The following DYNC1LI2 variants were observed in gnomAD, a reference collection of about 807,000 sequenced individuals.
DYNC1LI2 encodes dynein cytoplasmic 1 light intermediate chain 2.
DYNC1LI2 carries 19 observed loss-of-function variants against 57.8 expected under a neutral mutation model. The observed-to-expected ratio is 0.33, with a 90% confidence interval of 0.23 to 0.48. DYNC1LI2 has a LOEUF of 0.48. DYNC1LI2 is among the 20% of genes least tolerant of loss of function. DYNC1LI2 has a pLI of 0.99. For missense variants in DYNC1LI2, 470 were observed against 604.2 expected (o/e 0.78, Z 2.33); for synonymous variants, 256 against 233.4 (o/e 1.10, Z -0.88).
At chr16:66,747,850 C>T (rs1311281237) in intron 3 of DYNC1LI2, among the ~76,000 whole-genome samples, 1 of 152,094 alleles carries the variant, frequency 6.6e-6, no homozygotes, top group Non-Finnish European at 1.5e-5. Context: ...GAATTACAGA[C>T]GTCAGCCACC....
chr16:66,749,368 G>A (rs1395896774), intron 2 of DYNC1LI2, 55 bp from the exon 3 acceptor site: 7 of 1,538,330 alleles, frequency 4.6e-6, no homozygotes, highest in Non-Finnish European at 6.3e-6. Context: ...GCAAGGATGG[G>A]GAGGCATGAC....
chr16:66,737,727 A>C (rs1483129561), intron 4 of DYNC1LI2, among the ~76,000 whole-genome samples: 1 of 152,206 alleles, frequency 6.6e-6, no homozygotes, highest in Non-Finnish European at 1.5e-5. Context: ...TCAGTGGTAC[A>C]ACATCCACTT....
chr16:66,729,969 T>C (rs2017606317), intron 8 of DYNC1LI2, 143 bp downstream of exon 8: 1 of 566,352 alleles, frequency 1.8e-6, no homozygotes, highest in South Asian at 2.4e-5. Flanking sequence ...TTAGTGGAGA[T>C]GGGGTTTTGC....
At chr16:66,731,129 A>C (rs1204952061) in intron 7 of DYNC1LI2, 1 of 152,238 alleles carries the variant, frequency 6.6e-6, no homozygotes, top group Non-Finnish European at 1.5e-5. Flanking sequence ...CGGGCAGGGC[A>C]TGATTGAGAT....
Position 66,751,212 on chromosome 16 carries a change from G to C in DYNC1LI2, c.181+61C>G. 16 of 1,561,488 alleles carry C rather than the reference G, an allele frequency of 1.0e-5. No homozygotes were observed. Among genetic ancestry groups the C allele is most frequent in the Non-Finnish European group, 1.3e-5 (15 of 1,147,980 alleles). The stretch of plus-strand genomic sequence containing the variant: ...GAACGGGGAAGGCGGGGACCTGAGG[G>C]AGGGGCGCCCGCCTCGCCCACCCCA... On this transcript the variant is annotated intron_variant, in intron 2 of 12. Transcript: ENST00000258198. This position sits in a 1 kb window ranked among gnomAD's most constrained non-coding sequence, Gnocchi z 5.2.
chr16:66,723,994 CA>C (rs1228311714), intron 12 of DYNC1LI2, among the ~76,000 whole-genome samples, 172 bp from the exon 13 acceptor site: 2 of 152,102 alleles, frequency 1.3e-5, no homozygotes, highest in Non-Finnish European at 2.9e-5. Flanking sequence ...CCCAACTCGG[CA>C]CATCCTAATC....
rs937337368 is a variant in DYNC1LI2, at chr16:66,732,604, T to C, written c.794-130A>G. ...ATATGAGCAACAGAAAGCATTACAA[T>C]TTTAAAAACTAAAACGCTTATAGTA... is the stretch of plus-strand genomic sequence containing the variant. On this transcript the variant is annotated intron_variant, in intron 6 of 12. Transcript: ENST00000258198. 3.0e-6 allele frequency: 3 copies of C among 1,000,946 alleles called. No individual in the cohort carries two copies. The African/African-American group carries it at 5.0e-5, about 17-fold the overall frequency. The allele number at this position is 1,000,946 out of a possible 1,614,324, so 62.0% of individuals were successfully genotyped here. A position where few individuals can be genotyped will look rare whatever the true frequency, so the allele number is the denominator to read the frequency against.
chr16:66,742,116 GCAGA>G (rs2017850319), intron 4 of DYNC1LI2, among the ~76,000 whole-genome samples: 1 of 152,204 alleles, frequency 6.6e-6, no homozygotes, highest in East Asian at 1.9e-4. Flanking sequence ...TGTTAACTCA[GCAGA>G]CAGAGAGTAA....
chr16:66,747,056 A>G (rs965503090), intron 3 of DYNC1LI2, among the ~76,000 whole-genome samples: 5 of 151,512 alleles, frequency 3.3e-5, no homozygotes, highest in Non-Finnish European at 5.9e-5. Flanking sequence ...CTTCTTACAC[A>G]AGAGACTCTT....
Position 66,734,264 on chromosome 16 carries a change from C to T in DYNC1LI2, c.747G>A (p.Glu249=). 1 of 1,614,166 alleles carries T rather than the reference C, an allele frequency of 6.2e-7. No homozygotes were observed. The highest frequency in any genetic ancestry group is 1.3e-5 in the African/African-American group (1 of 75,052). Residue 249 remains glutamate, a synonymous_variant, in exon 6 of 13, where the codon GAG becomes GAA. Transcript: ENST00000258198. ...GGTGTGACTGGATAAAGTCCAAATG[C>T]TCATCCCTGTAATCGTGCTCCTTCT... ...VLEKEHDYRD[E]HLDFIQSHLR... is the part of the protein sequence containing the mutation.
intron 5 of DYNC1LI2, among the ~76,000 whole-genome samples, chr16:66,735,111 CT>C (rs1451255786): frequency 2.3e-4 from 13 of 56,394 alleles, no homozygotes; most frequent in Non-Finnish European, 3.3e-4. Context: ...TTTTTTTTTT[CT>C]TTTTTTTTTG....
intron 5 of DYNC1LI2, 58 bp from the exon 6 acceptor site, chr16:66,734,369 C>A: frequency 1.3e-6 from 2 of 1,506,780 alleles, no homozygotes; most frequent in South Asian, 2.3e-5. Flanking sequence ...ACGATGGGAA[C>A]ACCTCATTCT....
chr16:66,725,559 G>A (rs2017523648), intron 12 of DYNC1LI2, among the ~76,000 whole-genome samples: 1 of 152,190 alleles, frequency 6.6e-6, no homozygotes, highest in Admixed American at 6.5e-5. Flanking sequence ...GGCCACATAT[G>A]TAATTTAGGC....
chr16:66,726,822 A>G (rs2017544444), intron 11 of DYNC1LI2, among the ~76,000 whole-genome samples: 1 of 151,778 alleles, frequency 6.6e-6, no homozygotes, highest in South Asian at 2.1e-4. Flanking sequence ...TTGTACAGAG[A>G]AGGTTTCACC....
chr16:66,742,076 G>A (rs2017849419), intron 4 of DYNC1LI2, among the ~76,000 whole-genome samples: 1 of 152,174 alleles, frequency 6.6e-6, no homozygotes, highest in Non-Finnish European at 1.5e-5. Context: ...TCAAGCTGCA[G>A]AGACCACAGC....
intron 5 of DYNC1LI2, among the ~76,000 whole-genome samples, chr16:66,735,100 G>GTTTTTTTTTTTTTTTTTTTTTTT (rs71145936): frequency 7.4e-6 from 1 of 134,832 alleles, no homozygotes. Context: ...AACTTTGTTT[G>GTTTTTTTTTTTTTTTTTTTTTTT]TTTTTTTTTT....
intron 3 of DYNC1LI2, among the ~76,000 whole-genome samples, chr16:66,748,092 A>C (rs1053312000): frequency 6.6e-6 from 1 of 151,758 alleles, no homozygotes; most frequent in Non-Finnish European, 1.5e-5. Context: ...TTCGAGACCA[A>C]CCTGAGCAAC....
At chr16:66,736,639 A>G (rs1366539154) in intron 4 of DYNC1LI2, among the ~76,000 whole-genome samples, 1 of 152,170 alleles carries the variant, frequency 6.6e-6, no homozygotes, top group African/African-American at 2.4e-5. Flanking sequence ...CTGGGACTAA[A>G]GGCATGTGCC....
intron 4 of DYNC1LI2, among the ~76,000 whole-genome samples, chr16:66,737,238 T>A (rs1175372321): frequency 6.6e-6 from 1 of 152,060 alleles, no homozygotes; most frequent in Non-Finnish European, 1.5e-5. Flanking sequence ...ATTGCGTCAC[T>A]GTACTCCAGT....
Sources: gnomAD v4.1 joint callset for allele counts (sites outside exome capture counted in the v4.1 genomes callset) on GRCh38, gnomAD v4.1.1 for gene constraint, Gnocchi (gnomAD v3.1) non-coding constraint, MANE v1.5 for transcripts, NCBI Gene and HGNC (gene_info 2026-07-23, HGNC 2026-07-21) for gene names.